ASIC2: variants seen among roughly 807,000 people sequenced by gnomAD.
ASIC2 encodes the protein acid-sensing ion channel 2.
Under a neutral mutation model 57.3 loss-of-function variants are expected in ASIC2, and 25 were observed. The ratio of observed to expected loss-of-function variants is 0.44; its 90% CI spans 0.32 to 0.61. The LOEUF is 0.61. Among genes scored for constraint, ASIC2 ranks in the 20% least tolerant of loss-of-function variants. The pLI, the probability that ASIC2 is intolerant of heterozygous loss-of-function variation, is 0.06. For missense variants in ASIC2, 641 were observed against 738.1 expected, an observed-to-expected ratio of 0.87 and a Z score of 1.52; for synonymous variants, 319 against 307.5, an observed-to-expected ratio of 1.04 and a Z score of -0.39.
chr17:34,004,454 C>T (rs867534153), intron 1 of ASIC2: 6 of 152,184 alleles, frequency 3.9e-5, no homozygotes, highest in African/African-American at 1.4e-4. Context: ...CTTGTTCTGC[C>T]AACGATTTGC....
chr17:33,367,855 G>A (rs1567837791), intron 1 of ASIC2, among the ~76,000 whole-genome samples: 1 of 152,128 alleles, frequency 6.6e-6, no homozygotes, highest in Non-Finnish European at 1.5e-5. Flanking sequence ...TTCTCTAAAG[G>A]AATATGCCAA....
chr17:33,324,947 TC>T (rs1198840032), intron 1 of ASIC2, among the ~76,000 whole-genome samples: 11 of 152,184 alleles, frequency 7.2e-5, no homozygotes, highest in Non-Finnish European at 7.4e-5. Flanking sequence ...AGTCTGGGAT[TC>T]CTGCCCAGTC....
chr17:33,522,883 A>C (rs1914784256), intron 1 of ASIC2, among the ~76,000 whole-genome samples: 1 of 152,184 alleles, frequency 6.6e-6, no homozygotes, highest in African/African-American at 2.4e-5. Context: ...TGCACCGTGC[A>C]GTCCTGGGGC....
intron 1 of ASIC2, among the ~76,000 whole-genome samples, chr17:34,014,021 C>A (rs1245281919): frequency 6.6e-6 from 1 of 152,162 alleles, no homozygotes; most frequent in African/African-American, 2.4e-5. Flanking sequence ...AGGGGAGAGT[C>A]AACTTGGTAA....
intron 1 of ASIC2, among the ~76,000 whole-genome samples, chr17:34,086,383 A>C (rs1567815422): frequency 6.6e-6 from 1 of 152,054 alleles, no homozygotes; most frequent in Non-Finnish European, 1.5e-5. Flanking sequence ...TTCTAATTTG[A>C]TTGCACTGTG....
chr17:33,867,944 C>G (rs926187039), intron 1 of ASIC2, among the ~76,000 whole-genome samples: 4 of 152,264 alleles, frequency 2.6e-5, no homozygotes, highest in African/African-American at 9.6e-5. Context: ...GGCTTCTTCC[C>G]AAGATGATGC....
chr17:33,775,427 G>A (rs1911238845), intron 1 of ASIC2, among the ~76,000 whole-genome samples: 1 of 152,222 alleles, frequency 6.6e-6, no homozygotes, highest in Admixed American at 6.5e-5. Context: ...TGATTAACAT[G>A]AAGTATTTCT....
At position 33,181,472 on chromosome 17, in the gene ASIC2, A is replaced by G. The variant is rs143532640; in HGVS notation, c.709-69405T>C. Reference sequence around the variant, plus strand: ...CAGTTCTTGAGCACAGAAGTCAGAAATTGGGGTGTCAGCAGGGCCCCACTC... The same window carrying G: ...CAGTTCTTGAGCACAGAAGTCAGAAGTTGGGGTGTCAGCAGGGCCCCACTC... On this transcript the variant is annotated intron_variant, in intron 1 of 9. Coordinates refer to ENST00000225823, the MANE Select transcript of ASIC2 (RefSeq NM_183377.2). 3.9e-3 allele frequency among the ~76,000 whole-genome samples: 598 copies of G among 152,282 alleles called. 4 individuals carry two copies. Among genetic ancestry groups the G allele is most frequent in the African/African-American group, 0.014 (571 of 41,564 alleles).
rs1288408171 is a variant in ASIC2 at position 33,269,681 on chromosome 17, T to G, written c.708+21727A>C. ...TTCCTTCCTTCCTTCCTTCCCTCCCTCCCTCCTGCCTGCCTGCCTGCCTGC... is the reference window on the plus strand; with the variant it reads ...TTCCTTCCTTCCTTCCTTCCCTCCCGCCCTCCTGCCTGCCTGCCTGCCTGC... On this transcript the variant is annotated intron_variant, in intron 1 of 9. Transcript: ENST00000225823. 1.4e-3 allele frequency among the ~76,000 whole-genome samples: 90 copies of G among 64,762 alleles called. 1 individual carries two copies. Among genetic ancestry groups the G allele is most frequent in the Non-Finnish European group, 1.9e-3 (56 of 29,620 alleles). 42.5% of individuals were successfully genotyped at this position (64,762 alleles called of 152,430 possible). A position where few individuals can be genotyped will look rare whatever the true frequency, so the allele number is the denominator to read the frequency against.
intron 1 of ASIC2, among the ~76,000 whole-genome samples, chr17:33,625,171 C>CTATCTAATT (rs1171154899): frequency 2.0e-5 from 3 of 151,838 alleles, no homozygotes; most frequent in Non-Finnish European, 2.9e-5. Flanking sequence ...ATCTATCTAT[C>CTATCTAATT]TATCATCTAT....
At position 34,156,542 on chromosome 17, in the gene ASIC2, G is replaced by A. The variant is rs750651479; in HGVS notation, c.-10C>T. Reference sequence around the variant, plus strand: ...TTTCCTTGAGGTCCATCGGGACCCCGTGCAGTTCCGCAACTGGCTTCAGGT... The same window carrying A: ...TTTCCTTGAGGTCCATCGGGACCCCATGCAGTTCCGCAACTGGCTTCAGGT... On this transcript the variant is annotated 5_prime_UTR_variant, in exon 1 of 10. Transcript: ENST00000359872. The surrounding 1 kb of genome is among the most constrained non-coding windows in gnomAD (Gnocchi z 4.4). The A allele has an allele frequency of 2.2e-5, 35 of 1,572,510 alleles. No individual in the cohort carries two copies. The highest frequency in any genetic ancestry group is 2.8e-5 in the Non-Finnish European group (32 of 1,155,336).
chr17:33,836,801 C>T (rs1360537220), intron 1 of ASIC2, among the ~76,000 whole-genome samples: 2 of 152,058 alleles, frequency 1.3e-5, no homozygotes, highest in African/African-American at 4.8e-5. Context: ...TACAGTAAGC[C>T]AAGATCACAC....
At chr17:33,841,994 G>A (rs1913451570) in intron 1 of ASIC2, among the ~76,000 whole-genome samples, 1 of 152,094 alleles carries the variant, frequency 6.6e-6, no homozygotes, top group African/African-American at 2.4e-5. Flanking sequence ...ACGGTCCAGT[G>A]GCGGAGGGCT....
chr17:33,531,468 G>C (rs1189849678), intron 1 of ASIC2, among the ~76,000 whole-genome samples: 1 of 152,184 alleles, frequency 6.6e-6, no homozygotes, highest in Non-Finnish European at 1.5e-5. Flanking sequence ...ACCTTGCAGA[G>C]GCCCTTGCTC....
At position 33,885,540 on chromosome 17, in the gene ASIC2, T is replaced by C. The variant is rs565294575; in HGVS notation, c.555+270438A>G. ...CTTCCCAGAATACTGAGATATATCA[T>C]TAGCTCTACTTTGCAGAAGAAAAAA... On this transcript the variant is annotated intron_variant, in intron 1 of 9. Transcript: ENST00000359872. Among the ~76,000 whole-genome samples, 89 of 152,218 alleles carry C rather than the reference T, an allele frequency of 5.8e-4. 1 individual carries two copies. The highest frequency in any genetic ancestry group is 1.2e-3 in the Non-Finnish European group (82 of 68,040).
At chr17:33,617,109 G>A (rs1567670571) in intron 1 of ASIC2, among the ~76,000 whole-genome samples, 1 of 152,096 alleles carries the variant, frequency 6.6e-6, no homozygotes, top group South Asian at 2.1e-4. Context: ...TAAGTAGAAA[G>A]CACCCTAGGC....
intron 1 of ASIC2, among the ~76,000 whole-genome samples, chr17:33,983,237 G>C (rs1049694677): frequency 2.0e-5 from 3 of 152,178 alleles, no homozygotes; most frequent in Non-Finnish European, 4.4e-5. Flanking sequence ...GATAGACTAA[G>C]AATGCCAGGA....
At chr17:33,953,899 G>A (rs2141987067) in intron 1 of ASIC2, among the ~76,000 whole-genome samples, 1 of 152,300 alleles carries the variant, frequency 6.6e-6, no homozygotes, top group East Asian at 1.9e-4. Flanking sequence ...CTCTGAATGT[G>A]AGGCTTTGGA....
intron 3 of ASIC2, among the ~76,000 whole-genome samples, chr17:33,077,596 C>CT (rs2092094384): frequency 6.6e-6 from 1 of 151,934 alleles, no homozygotes. Flanking sequence ...GGTGAGGGAC[C>CT]AGAGGTATTT....
Sources: gnomAD v4.1 joint callset for allele counts (sites outside exome capture counted in the v4.1 genomes callset) on GRCh38, gnomAD v4.1.1 for gene constraint, Gnocchi (gnomAD v3.1) non-coding constraint, MANE v1.5 for transcripts, NCBI Gene and HGNC (gene_info 2026-07-23, HGNC 2026-07-21) for gene names.